The following COL5A1 variants were observed in gnomAD, a reference collection of about 807,000 sequenced individuals.
COL5A1 encodes collagen alpha-1(V) chain.
Under a neutral mutation model 263.7 loss-of-function variants are expected in COL5A1, and 16 were observed. The observed-to-expected ratio is 0.06, with a 90% CI of 0.04 to 0.09. COL5A1 has a LOEUF of 0.09. Ranked by LOEUF, COL5A1 falls within the 10% of genes least tolerant of loss-of-function variation. The pLI, the probability that COL5A1 is intolerant of heterozygous loss-of-function variation, is 1.00. For synonymous variants in COL5A1, 1,012 were observed against 1,004.5 expected (o/e 1.01, Z -0.14); for missense variants, 2,036 against 2,540.5 (o/e 0.80, Z 4.27).
intron 4 of COL5A1, among the ~76,000 whole-genome samples, chr9:134,724,740 G>A (rs1834584992): frequency 6.6e-6 from 1 of 152,172 alleles, no homozygotes; most frequent in Non-Finnish European, 1.5e-5. Flanking sequence ...CAGCCACCGC[G>A]GCTGCAGGCC....
chr9:134,818,745 A>G lies in COL5A1; in HGVS notation c.4320A>G (p.Arg1440=). The stretch of plus-strand genomic sequence containing the variant: ...GGAAGCCCGGACCGGATGGCCTTCG[A>G]GGGATCCCTGGCCCTGTGGTGAGTA... ...APGKPGPDGL[R]GIPGPVGEQG... The change falls in exon 55 of 66, where the codon CGA becomes CGG. Residue 1440 remains arginine (R), a synonymous_variant. Coordinates refer to ENST00000371817, the MANE Select transcript of COL5A1 (RefSeq NM_000093.5). The surrounding 1 kb of genome is among the most constrained non-coding windows in gnomAD (Gnocchi z 6.0). 1.9e-6 allele frequency: 3 copies of G among 1,612,118 alleles called. No homozygotes were observed. The highest frequency in any genetic ancestry group is 2.5e-6 in the Non-Finnish European group (3 of 1,179,580).
chr9:134,776,391 T>C (rs1416742770), intron 27 of COL5A1, among the ~76,000 whole-genome samples: 1 of 152,256 alleles, frequency 6.6e-6, no homozygotes, highest in Non-Finnish European at 1.5e-5. Flanking sequence ...AAAATGTTTA[T>C]GGAGAATGCT....
At chr9:134,711,924 C>T (rs1834055846) in intron 4 of COL5A1, among the ~76,000 whole-genome samples, 1 of 152,028 alleles carries the variant, frequency 6.6e-6, no homozygotes, top group Non-Finnish European at 1.5e-5. Context: ...ACCCTGGACT[C>T]CTGGGCCTGT....
Position 134,754,473 on chromosome 9 carries a change from G to C in COL5A1, c.1827+147G>C. ...TTGTGATGGGTGCGTCCATCCCCAA[G>C]GCTGCCTCTGAGCCAGCTGCCTGGG... On this transcript the variant is annotated intron_variant, in intron 16 of 65. Coordinates refer to ENST00000371817, the MANE Select transcript of COL5A1 (RefSeq NM_000093.5). The surrounding 1 kb of genome is among the most constrained non-coding windows in gnomAD (Gnocchi z 4.3). 1.1e-6 allele frequency: 1 copy of C among 925,118 alleles called. No homozygotes were observed. The allele number at this position is 925,118 out of a possible 1,614,324, so 57.3% of individuals were successfully genotyped here.
intron 1 of COL5A1, among the ~76,000 whole-genome samples, chr9:134,653,699 G>A (rs1831775517): frequency 6.6e-6 from 1 of 152,122 alleles, no homozygotes. Context: ...GGGTTCTATA[G>A]GGATGGTGGT....
At chr9:134,656,084 G>A (rs1380971830) in intron 1 of COL5A1, among the ~76,000 whole-genome samples, 1 of 152,178 alleles carries the variant, frequency 6.6e-6, no homozygotes, top group African/African-American at 2.4e-5. Flanking sequence ...AGAGGATGCC[G>A]GAGCTTGGAG....
intron 32 of COL5A1, among the ~76,000 whole-genome samples, chr9:134,791,083 CCAGGG>C (rs1837675764): frequency 6.6e-6 from 1 of 152,220 alleles, no homozygotes; most frequent in African/African-American, 2.4e-5. Flanking sequence ...CTCCAGATGT[CCAGGG>C]CATCAGCACT....
chr9:134,699,296 G>A (rs1184289858), intron 2 of COL5A1, among the ~76,000 whole-genome samples: 1 of 152,208 alleles, frequency 6.6e-6, no homozygotes, highest in Non-Finnish European at 1.5e-5. Context: ...ACATACTAGG[G>A]ATATATTTTT....
At chr9:134,769,364 G>A (rs550204031) in intron 25 of COL5A1, among the ~76,000 whole-genome samples, 1 of 152,300 alleles carries the variant, frequency 6.6e-6, no homozygotes, top group Non-Finnish European at 1.5e-5. Context: ...CGCAGCTGTG[G>A]GGCCCCGTGG....
intron 1 of COL5A1, among the ~76,000 whole-genome samples, chr9:134,659,695 C>A (rs527446419): frequency 6.6e-6 from 1 of 152,142 alleles, no homozygotes; most frequent in South Asian, 2.1e-4. Context: ...CAGGAGGGAG[C>A]GGGGCCTTTT....
At chr9:134,767,665 T>A (rs1331053578) in intron 24 of COL5A1, among the ~76,000 whole-genome samples, 1 of 152,238 alleles carries the variant, frequency 6.6e-6, no homozygotes, top group Non-Finnish European at 1.5e-5. Flanking sequence ...AAATTCAAAT[T>A]TAACCGGGCA....
intron 16 of COL5A1, among the ~76,000 whole-genome samples, chr9:134,756,490 A>C (rs577222799): frequency 2.0e-5 from 3 of 152,280 alleles, no homozygotes; most frequent in Non-Finnish European, 4.4e-5. Context: ...CTCGAAGCCC[A>C]GGGGCAGTGG....
rs530385215 is a variant in COL5A1, at chr9:134,780,162, C to T, written c.2430+16C>T. The T allele has an allele frequency of 5.1e-5, 82 of 1,612,938 alleles. 1 individual carries two copies. The South Asian group carries it at 7.7e-4, about 15-fold the overall frequency. On this transcript the variant is annotated intron_variant, in intron 28 of 65. Coordinates refer to ENST00000371817, the MANE Select transcript of COL5A1 (RefSeq NM_000093.5). ...GGGCGAGAAGGTAAGTCTCTCCTTG[C>T]AGCCACGGGGCCCCCTGCTTAGTCC...
chr9:134,664,276 T>C (rs1832293388), intron 1 of COL5A1, among the ~76,000 whole-genome samples: 1 of 152,082 alleles, frequency 6.6e-6, no homozygotes, highest in South Asian at 2.1e-4. Flanking sequence ...GAAGAAAACA[T>C]GGGAGGCCAG....
At chr9:134,783,226 C>G (rs1837326781) in intron 29 of COL5A1, among the ~76,000 whole-genome samples, 1 of 152,222 alleles carries the variant, frequency 6.6e-6, no homozygotes, top group Non-Finnish European at 1.5e-5. Flanking sequence ...CCAGACAGTT[C>G]TTCAGGGTCC....
chr9:134,812,741 AT>A, intron 48 of COL5A1, 29 bp downstream of exon 48: 3 of 1,459,982 alleles, frequency 2.1e-6, no homozygotes, highest in Non-Finnish European at 2.8e-6. Context: ...CTGGTGGCAG[AT>A]TTGCGGTTGT....
intron 22 of COL5A1, among the ~76,000 whole-genome samples, 196 bp from the exon 23 acceptor site, chr9:134,766,804 C>G (rs1259439736): frequency 3.3e-5 from 5 of 152,160 alleles, no homozygotes; most frequent in Admixed American, 3.3e-4. Context: ...TCAGAGTCAA[C>G]CTCCACAGCC....
At chr9:134,729,878 G>T (rs1834813685) in intron 6 of COL5A1, among the ~76,000 whole-genome samples, 1 of 152,226 alleles carries the variant, frequency 6.6e-6, no homozygotes, top group Non-Finnish European at 1.5e-5. Context: ...CCAGGGAAAG[G>T]TGACCTGGTC....
chr9:134,716,710 T>A lies in COL5A1; in HGVS notation c.655-10556T>A, dbSNP rs1281855663. ...GACCCTTCAGTCCCTGTGGCCAGCTTCAGGGTGTGCATGAGGCTGTGACCT... is the reference window on the plus strand; with the variant it reads ...GACCCTTCAGTCCCTGTGGCCAGCTACAGGGTGTGCATGAGGCTGTGACCT... On this transcript the variant is annotated intron_variant, in intron 4 of 65. Coordinates refer to ENST00000371817, the MANE Select transcript of COL5A1 (RefSeq NM_000093.5). This position sits in a 1 kb window ranked among gnomAD's most constrained non-coding sequence, Gnocchi z 4.5. Among the ~76,000 whole-genome samples the A allele has an allele frequency of 1.3e-5, 2 of 152,166 alleles. No homozygotes were observed. Among genetic ancestry groups the A allele is most frequent in the African/African-American group, 4.8e-5 (2 of 41,438 alleles).
Sources: gnomAD v4.1 joint callset for allele counts (sites outside exome capture counted in the v4.1 genomes callset) on GRCh38, gnomAD v4.1.1 for gene constraint, Gnocchi (gnomAD v3.1) non-coding constraint, MANE v1.5 for transcripts, NCBI Gene and HGNC (gene_info 2026-07-23, HGNC 2026-07-21) for gene names.